The following PIK3R6 variants were observed in gnomAD, a reference collection of about 807,000 sequenced individuals.
The protein encoded by PIK3R6 is phosphoinositide 3-kinase regulatory subunit 6.
PIK3R6 carries 91 observed loss-of-function variants against 84.9 expected under a neutral mutation model. The ratio of observed to expected loss-of-function variants is 1.07; its 90% CI spans 0.90 to 1.28. The LOEUF (loss-of-function observed/expected upper bound fraction) is 1.28. Ranked by LOEUF, PIK3R6 falls within the 50% of genes most tolerant of loss-of-function variation. The probability of loss-of-function intolerance (pLI) is 0.00; values close to 1 mark genes in which losing one functional copy is unlikely to be tolerated. For missense variants in PIK3R6, 996 were observed against 985.1 expected, an observed-to-expected ratio of 1.01 and a Z score of -0.15; for synonymous variants, 416 against 411.4, an observed-to-expected ratio of 1.01 and a Z score of -0.13.
chr17:8,867,117 C>A (rs2089430332), intron 1 of PIK3R6, among the ~76,000 whole-genome samples: 1 of 152,182 alleles, frequency 6.6e-6, no homozygotes, highest in African/African-American at 2.4e-5. Flanking sequence ...AAGCCTCAGT[C>A]TTCTGTTCTA....
chr17:8,807,646 C>T (rs1056362620), intron 18 of PIK3R6, among the ~76,000 whole-genome samples: 4 of 152,094 alleles, frequency 2.6e-5, no homozygotes, highest in Admixed American at 6.5e-5. Flanking sequence ...AGGCAACTAG[C>T]GTGAGCAAAG....
At chr17:8,824,184 G>C (rs755054014) in intron 13 of PIK3R6, among the ~76,000 whole-genome samples, 1 of 152,230 alleles carries the variant, frequency 6.6e-6, no homozygotes, top group Non-Finnish European at 1.5e-5. Context: ...CAGGAGAATC[G>C]TTTGAATCCA....
chr17:8,856,447 C>G (rs952424335), intron 1 of PIK3R6, among the ~76,000 whole-genome samples: 6 of 152,114 alleles, frequency 3.9e-5, no homozygotes, highest in South Asian at 2.1e-4. Flanking sequence ...AATAAAAATA[C>G]AAAAATTAGC....
intron 18 of PIK3R6, among the ~76,000 whole-genome samples, chr17:8,810,966 A>G (rs1238043114): frequency 6.7e-6 from 1 of 148,856 alleles, no homozygotes; most frequent in Non-Finnish European, 1.5e-5. Flanking sequence ...GGGACTCTGC[A>G]TGGGGGCTCT....
Position 8,835,426 on chromosome 17 carries a change from CA to C in PIK3R6, c.491del (p.Val164GlyfsTer85). The C allele has an allele frequency of 6.3e-7, 1 of 1,588,002 alleles. No individual in the cohort carries two copies. The highest frequency in any genetic ancestry group is 1.1e-5 in the South Asian group (1 of 89,526). On this transcript the variant is annotated frameshift_variant, in exon 8 of 20. Coordinates refer to ENST00000619866, the MANE Select transcript of PIK3R6 (RefSeq NM_001010855.4). LOFTEE classifies it high-confidence loss of function. ...GCAGAGCACTGCACACAGACGCAGA[CA>C]CCAGCTCAGGATCCACGAAGAGGAA... ...RVFLFVDPEL[V>X]SASVCSALLL...
At chr17:8,867,431 C>G (rs2089437675) in intron 1 of PIK3R6, 98 bp downstream of exon 1, 1 of 183,998 alleles carries the variant, frequency 5.4e-6, no homozygotes, top group Admixed American at 5.6e-5. Context: ...TGTTTCAGCC[C>G]CCCCAGGGGC....
At chr17:8,838,223 T>C (rs2088550547) in intron 4 of PIK3R6, 3 of 444,298 alleles carry the variant, frequency 6.8e-6, no homozygotes, top group South Asian at 2.6e-5. Context: ...TTGGGTAGTG[T>C]GAAGGAGAAT....
rs750103119 is a variant in PIK3R6, at chr17:8,804,082, C to T, written c.2067G>A (p.Ser689=). ...QSRDQRLLTL[S]LDKDDQRTFR... is the part of the protein sequence containing the mutation. Reference sequence around the variant, plus strand: ...AAGTGCGTTGATCGTCCTTGTCCAGCGACAGTGTCAGCAGCCTCTGGTCCC... The same window carrying T: ...AAGTGCGTTGATCGTCCTTGTCCAGTGACAGTGTCAGCAGCCTCTGGTCCC... Residue 689 remains serine, a synonymous_variant, in exon 19 of 20, where the codon TCG becomes TCA. Transcript: ENST00000619866. 34 of 1,614,014 alleles carry T rather than the reference C, an allele frequency of 2.1e-5. No individual in the cohort carries two copies. The highest frequency in any genetic ancestry group is 1.8e-4 in the South Asian group (16 of 91,084).
chr17:8,805,385 A>G (rs73973211), intron 18 of PIK3R6, among the ~76,000 whole-genome samples: 10,747 of 152,148 alleles, frequency 0.071, 871 homozygotes, highest in East Asian at 0.31. Flanking sequence ...TGGACTCAGC[A>G]ATGAAGTCCC....
chr17:8,829,856 C>G, intron 9 of PIK3R6, 64 bp from the exon 10 acceptor site: 1 of 1,319,456 alleles, frequency 7.6e-7, no homozygotes, highest in Non-Finnish European at 1.0e-6. Flanking sequence ...CTGCCCTCCC[C>G]ATCCTGCCCA....
intron 4 of PIK3R6, chr17:8,838,291 G>C: frequency 2.1e-6 from 1 of 469,982 alleles, no homozygotes; most frequent in Admixed American, 3.6e-5. Flanking sequence ...TATGTTTATA[G>C]GTACCTTCTG....
intron 1 of PIK3R6, among the ~76,000 whole-genome samples, chr17:8,850,710 G>A (rs996294416): frequency 1.3e-5 from 2 of 151,908 alleles, no homozygotes; most frequent in African/African-American, 2.4e-5. Context: ...GAAAACAAGC[G>A]AACAAACAAA....
chr17:8,861,112 G>A (rs960221797), intron 1 of PIK3R6, among the ~76,000 whole-genome samples: 1 of 150,936 alleles, frequency 6.6e-6, no homozygotes, highest in Non-Finnish European at 1.5e-5. Flanking sequence ...AATCTGGGAG[G>A]CAGAAGTTGC....
chr17:8,823,060 G>C lies in PIK3R6; in HGVS notation c.1653C>G (p.Asp551Glu). 1 of 1,609,512 alleles carries C rather than the reference G, an allele frequency of 6.2e-7. No individual in the cohort carries two copies. The highest frequency in any genetic ancestry group is 8.5e-7 in the Non-Finnish European group (1 of 1,175,850). The change falls in exon 15 of 20, where the codon GAC (aspartate) becomes GAG (glutamate). Residue 551 changes from aspartate to glutamate, a missense_variant. Coordinates refer to ENST00000619866, the MANE Select transcript of PIK3R6 (RefSeq NM_001010855.4). ...VKIFFSDLSQ[D>E]PTEDIFLIEL... ...CAATGAGGAAAATGTCCTCAGTAGG[G>C]TCTTGGCTCAGGTCACTGAAAAAGA...
At chr17:8,805,366 C>G (rs2151165715) in intron 18 of PIK3R6, among the ~76,000 whole-genome samples, 1 of 152,274 alleles carries the variant, frequency 6.6e-6, no homozygotes, top group East Asian at 1.9e-4. Flanking sequence ...AGGAGCCAAG[C>G]ATGACTCATG....
intron 7 of PIK3R6, among the ~76,000 whole-genome samples, chr17:8,835,883 C>T (rs2088440114): frequency 6.6e-6 from 1 of 152,152 alleles, no homozygotes; most frequent in East Asian, 1.9e-4. Context: ...GAGCCAACCT[C>T]CCCTACTCCC....
At chr17:8,827,701 G>T (rs1456397504) in intron 12 of PIK3R6, among the ~76,000 whole-genome samples, 1 of 146,394 alleles carries the variant, frequency 6.8e-6, no homozygotes, top group Non-Finnish European at 1.5e-5. Context: ...GAAAGTGTGG[G>T]GTGTGTGTGT....
intron 8 of PIK3R6, among the ~76,000 whole-genome samples, chr17:8,833,960 A>T (rs1175822712): frequency 1.3e-5 from 2 of 151,564 alleles, no homozygotes; most frequent in Non-Finnish European, 2.9e-5. Flanking sequence ...CGAGGTCAGG[A>T]GATGGAGACC....
In PIK3R6 at chr17:8,844,181, C is replaced by T. The variant is rs1355228932; in HGVS notation, c.14-4484G>A. Reference sequence around the variant, plus strand: ...CTCCTGAGCCATCTTCACCAGAGCACGAGAATGTCCCTCAAGGCAGGCTCT... The same window carrying T: ...CTCCTGAGCCATCTTCACCAGAGCATGAGAATGTCCCTCAAGGCAGGCTCT... On this transcript the variant is annotated intron_variant, in intron 2 of 19. Coordinates refer to ENST00000619866, the MANE Select transcript of PIK3R6 (RefSeq NM_001010855.4). This position sits in a 1 kb window ranked among gnomAD's most constrained non-coding sequence, Gnocchi z 4.5. Among the ~76,000 whole-genome samples the T allele has an allele frequency of 6.6e-6, 1 of 152,194 alleles. No homozygotes were observed. Among genetic ancestry groups the T allele is most frequent in the African/African-American group, 2.4e-5 (1 of 41,438 alleles).
Sources: gnomAD v4.1 joint callset for allele counts (sites outside exome capture counted in the v4.1 genomes callset) on GRCh38, gnomAD v4.1.1 for gene constraint, Gnocchi (gnomAD v3.1) non-coding constraint, MANE v1.5 for transcripts, NCBI Gene and HGNC (gene_info 2026-07-23, HGNC 2026-07-21) for gene names.